KNTC1: variants seen among roughly 807,000 people sequenced by gnomAD.
KNTC1 encodes the protein kinetochore associated 1.
A neutral mutation model predicts 314.4 loss-of-function variants in KNTC1; 253 were observed. The ratio of observed to expected loss-of-function variants is 0.80; its 90% CI spans 0.73 to 0.89. The LOEUF is 0.89. KNTC1 is among the 40% of genes least tolerant of loss of function. KNTC1 has a pLI of 0.00. For synonymous variants in KNTC1, 901 were observed against 901.4 expected (o/e 1.00, Z 0.01); for missense variants, 2,475 against 2,572.9 (o/e 0.96, Z 0.82).
Position 122,585,336 on chromosome 12 carries a change from C to A in KNTC1, c.3535-300C>A, listed in dbSNP as rs115777231. On this transcript the variant is annotated intron_variant, in intron 36 of 63. Coordinates refer to ENST00000333479, the MANE Select transcript of KNTC1 (RefSeq NM_014708.6). ...GGATTACAGGCATGAGCCACTGCAC[C>A]TGGGCCGTTTTTTAATCATTTGCAA... 8.6e-3 allele frequency among the ~76,000 whole-genome samples: 1,304 copies of A among 152,250 alleles called. 17 individuals are homozygous for A. The highest frequency in any genetic ancestry group is 0.03 in the African/African-American group (1,261 of 41,540).
intron 13 of KNTC1, among the ~76,000 whole-genome samples, chr12:122,550,799 G>C (rs1963143374): frequency 6.6e-6 from 1 of 152,094 alleles, no homozygotes; most frequent in South Asian, 2.1e-4. Context: ...CATTGCATCT[G>C]GTCCATTTTT....
chr12:122,554,617 G>A (rs1158282233), intron 16 of KNTC1, among the ~76,000 whole-genome samples: 2 of 151,878 alleles, frequency 1.3e-5, no homozygotes, highest in African/African-American at 2.4e-5. Context: ...TTACTTTTTT[G>A]AACATCTGAA....
intron 2 of KNTC1, among the ~76,000 whole-genome samples, chr12:122,532,333 C>T (rs1054490836): frequency 2.0e-5 from 3 of 151,372 alleles, no homozygotes; most frequent in South Asian, 2.1e-4. Context: ...CTCACCCTCC[C>T]GAGTAACTGG....
intron 26 of KNTC1, 21 bp downstream of exon 26, chr12:122,573,306 A>G: frequency 6.2e-7 from 1 of 1,606,766 alleles, no homozygotes; most frequent in South Asian, 1.1e-5. Flanking sequence ...CTTTACATCT[A>G]GTCTTATTTC....
Position 122,530,001 on chromosome 12 carries a change from G to A in KNTC1, c.-63G>A. 6.4e-7 allele frequency: 1 copy of A among 1,561,198 alleles called. No homozygotes were observed. The highest frequency in any genetic ancestry group is 1.9e-5 in the Admixed American group (1 of 53,896). ...GTTCTATGCAACAAGATAATATGGT[G>A]TCTAATTTTATGTTGTTCAGGAAAG... On this transcript the variant is annotated 5_prime_UTR_variant, in exon 2 of 64. Coordinates refer to ENST00000333479, the MANE Select transcript of KNTC1 (RefSeq NM_014708.6).
chr12:122,597,713 A>C lies in KNTC1; in HGVS notation c.4356-18A>C. 1 of 1,609,614 alleles carries C rather than the reference A, an allele frequency of 6.2e-7. No homozygotes were observed. The highest frequency in any genetic ancestry group is 8.5e-7 in the Non-Finnish European group (1 of 1,176,232). On this transcript the variant is annotated intron_variant, in intron 43 of 63. Transcript: ENST00000333479. ...CCTGCAGTTTGGGAGACTGGTGTGT[A>C]TTGAATGCTTCTTTTAGCACATTTC...
intron 57 of KNTC1, among the ~76,000 whole-genome samples, 175 bp downstream of exon 57, chr12:122,615,701 C>G (rs1431887701): frequency 6.6e-6 from 1 of 152,178 alleles, no homozygotes; most frequent in Non-Finnish European, 1.5e-5. Context: ...GTGGAAGGAT[C>G]ACTTGAGCCC....
chr12:122,555,103 A>C, intron 16 of KNTC1, among the ~76,000 whole-genome samples: 1 of 152,100 alleles, frequency 6.6e-6, no homozygotes, highest in East Asian at 1.9e-4. Context: ...CAGACACGTT[A>C]CTTAACCTTT....
At chr12:122,567,279 G>A (rs894851193) in intron 20 of KNTC1, among the ~76,000 whole-genome samples, 4 of 151,352 alleles carry the variant, frequency 2.6e-5, no homozygotes, top group African/African-American at 7.3e-5. Flanking sequence ...CATGTTGACT[G>A]GGTTGGTCTT....
At chr12:122,539,195 T>C (rs1258076638) in intron 4 of KNTC1, among the ~76,000 whole-genome samples, 1 of 152,174 alleles carries the variant, frequency 6.6e-6, no homozygotes, top group Non-Finnish European at 1.5e-5. Flanking sequence ...CTTTCTGCTG[T>C]TTGATTCCAG....
chr12:122,617,400 T>C (rs1383811063), intron 57 of KNTC1: 2 of 451,074 alleles, frequency 4.4e-6, no homozygotes, highest in South Asian at 3.1e-5. Context: ...TTTCTTTAAA[T>C]GTATAGAGAT....
At chr12:122,549,254 A>G (rs1963019195) in intron 12 of KNTC1, among the ~76,000 whole-genome samples, 1 of 152,076 alleles carries the variant, frequency 6.6e-6, no homozygotes, top group South Asian at 2.1e-4. Flanking sequence ...ACGGGGTTTC[A>G]CCATGTTGGC....
chr12:122,555,100 G>A (rs561255492), intron 16 of KNTC1, among the ~76,000 whole-genome samples: 2 of 152,202 alleles, frequency 1.3e-5, no homozygotes, highest in South Asian at 2.1e-4. Flanking sequence ...TTTCAGACAC[G>A]TTACTTAACC....
intron 2 of KNTC1, among the ~76,000 whole-genome samples, chr12:122,531,599 CATT>C (rs1180489858): frequency 2.0e-5 from 3 of 151,370 alleles, no homozygotes; most frequent in Non-Finnish European, 4.4e-5. Context: ...GTACAAATCT[CATT>C]GTATTTTTTG....
At chr12:122,559,825 T>G (rs1295499502) in intron 18 of KNTC1, among the ~76,000 whole-genome samples, 2 of 152,204 alleles carry the variant, frequency 1.3e-5, no homozygotes, top group Non-Finnish European at 2.9e-5. Context: ...TCTGCCTGTT[T>G]TGGCCTCCCA....
chr12:122,550,328 G>C (rs1187045336), intron 13 of KNTC1, among the ~76,000 whole-genome samples: 2 of 151,772 alleles, frequency 1.3e-5, no homozygotes, highest in Non-Finnish European at 2.9e-5. Context: ...AAAAATAAGG[G>C]CATTCTTCTA....
chr12:122,568,128 G>GT (rs113853112), intron 20 of KNTC1, 133 bp from the exon 21 acceptor site: 30 of 591,064 alleles, frequency 5.1e-5, no homozygotes, highest in Admixed American at 2.0e-4. Context: ...TTGGAACTGG[G>GT]TTTTTTTTAG....
In KNTC1 at chr12:122,527,303, A is replaced by G. The variant is rs1593454313; in HGVS notation, c.-122A>G. 5.0e-6 allele frequency: 1 copy of G among 200,596 alleles called. No individual in the cohort carries two copies. Among genetic ancestry groups the G allele is most frequent in the Non-Finnish European group, 1.0e-5 (1 of 97,366 alleles). The allele number at this position is 200,596 out of a possible 1,614,324, so 12.4% of individuals were successfully genotyped here. A position where few individuals can be genotyped will look rare whatever the true frequency, so the allele number is the denominator to read the frequency against. ...ACTAGAGGCGGTTGTGTGAGTCAGG[A>G]AGAGGGGCCAGATATCTGAGTGTTC... On this transcript the variant is annotated 5_prime_UTR_variant, in exon 1 of 64. Transcript: ENST00000333479.
At chr12:122,539,486 C>A (rs547876057) in intron 4 of KNTC1, among the ~76,000 whole-genome samples, 190 bp from the exon 5 acceptor site, 1 of 152,104 alleles carries the variant, frequency 6.6e-6, no homozygotes, top group African/African-American at 2.4e-5. Flanking sequence ...CTCAAGGAAT[C>A]GCAAGGGAGC....
Sources: gnomAD v4.1 joint callset for allele counts (sites outside exome capture counted in the v4.1 genomes callset) on GRCh38, gnomAD v4.1.1 for gene constraint, MANE v1.5 for transcripts, NCBI Gene and HGNC (gene_info 2026-07-23, HGNC 2026-07-21) for gene names.